Variants in CFAP52 observed in about 807,000 individuals in gnomAD.
CFAP52 encodes cilia- and flagella-associated protein 52.
Under a neutral mutation model 70.5 loss-of-function variants are expected in CFAP52, and 57 were observed. The observed-to-expected ratio is 0.81, with a 90% confidence interval of 0.65 to 1.01. The LOEUF (loss-of-function observed/expected upper bound fraction) is 1.01. Ranked by LOEUF, CFAP52 falls within the 50% of genes least tolerant of loss-of-function variation. The pLI, the probability that CFAP52 is intolerant of heterozygous loss-of-function variation, is 0.00. For synonymous variants in CFAP52, 267 were observed against 292.5 expected (o/e 0.91, Z 0.89); for missense variants, 785 against 788.5 (o/e 1.00, Z 0.05).
chr17:9,602,313 C>T (rs1909305275), intron 6 of CFAP52, among the ~76,000 whole-genome samples: 1 of 152,050 alleles, frequency 6.6e-6, no homozygotes, highest in Non-Finnish European at 1.5e-5. Context: ...TGTGATGTTC[C>T]CCTCCCTGTG....
At chr17:9,611,426 C>T (rs192605413) in intron 7 of CFAP52, among the ~76,000 whole-genome samples, 5 of 152,192 alleles carry the variant, frequency 3.3e-5, no homozygotes, top group Admixed American at 3.3e-4. Flanking sequence ...GAGATTGTGA[C>T]TCACTGCAGC....
intron 1 of CFAP52, among the ~76,000 whole-genome samples, chr17:9,582,556 C>T (rs1037816901): frequency 2.0e-4 from 30 of 152,114 alleles, no homozygotes; most frequent in African/African-American, 7.2e-4. Context: ...GGAGATGATC[C>T]TTTGTCTATT....
intron 8 of CFAP52, among the ~76,000 whole-genome samples, chr17:9,625,397 C>T (rs1910199478): frequency 6.6e-6 from 1 of 151,754 alleles, no homozygotes. Context: ...ATTTTCTAGC[C>T]CTCAACTCTG....
intron 12 of CFAP52, among the ~76,000 whole-genome samples, chr17:9,641,255 A>G (rs1286720861): frequency 6.6e-6 from 1 of 152,146 alleles, no homozygotes; most frequent in African/African-American, 2.4e-5. Context: ...GTTGGGAATA[A>G]GGGTGGTGTG....
At chr17:9,635,232 T>G (rs917226705) in intron 10 of CFAP52, among the ~76,000 whole-genome samples, 173 bp from the exon 11 acceptor site, 1 of 152,112 alleles carries the variant, frequency 6.6e-6, no homozygotes, top group African/African-American at 2.4e-5. Flanking sequence ...ATCTTATACA[T>G]GAATATGCCT....
chr17:9,609,844 C>A (rs993524010), intron 7 of CFAP52, among the ~76,000 whole-genome samples: 2 of 152,006 alleles, frequency 1.3e-5, no homozygotes, highest in East Asian at 1.9e-4. Context: ...GTCTTTAGAA[C>A]AATATTGGAA....
At position 9,584,277 on chromosome 17, in the gene CFAP52, A is replaced by G. The variant is rs1012313423; in HGVS notation, c.71-1496A>G. 12 of 1,284,526 alleles carry G rather than the reference A, an allele frequency of 9.3e-6. No homozygotes were observed. The African/African-American group carries it at 1.7e-4, about 18-fold the overall frequency. 79.6% of individuals were successfully genotyped at this position (1,284,526 alleles called of 1,614,324 possible). On this transcript the variant is annotated intron_variant, in intron 1 of 13. Coordinates refer to ENST00000352665, the MANE Select transcript of CFAP52 (RefSeq NM_145054.5). Reference sequence around the variant, plus strand: ...CATACAAACTTTTCTCTAACATGGAAGCAGTAGTGTTACCTTGGCAGATAT... The same window carrying G: ...CATACAAACTTTTCTCTAACATGGAGGCAGTAGTGTTACCTTGGCAGATAT...
At chr17:9,581,132 C>T (rs1423010850) in intron 1 of CFAP52, among the ~76,000 whole-genome samples, 3 of 152,132 alleles carry the variant, frequency 2.0e-5, no homozygotes, top group Non-Finnish European at 2.9e-5. Context: ...CTGGCTAACA[C>T]GGTGAAACCC....
chr17:9,588,664 T>C (rs992089821), intron 3 of CFAP52, among the ~76,000 whole-genome samples: 2 of 152,176 alleles, frequency 1.3e-5, no homozygotes, highest in African/African-American at 4.8e-5. Context: ...GCTTTCAATT[T>C]CACCCCATTC....
At chr17:9,586,560 C>T (rs368345042) in intron 2 of CFAP52, 138 bp from the exon 3 acceptor site, 26 of 1,134,528 alleles carry the variant, frequency 2.3e-5, no homozygotes, top group Non-Finnish European at 2.8e-5. Context: ...AGTGAGACTC[C>T]GTCTCAACAA....
intron 7 of CFAP52, among the ~76,000 whole-genome samples, chr17:9,611,521 A>ATTTAT (rs1183524324): frequency 6.7e-4 from 102 of 151,782 alleles, no homozygotes; most frequent in African/African-American, 2.2e-3. Flanking sequence ...CACCTGGCTA[A>ATTTAT]TTTATTTTAT....
Position 9,635,352 on chromosome 17 carries a change from T to A in CFAP52, c.1321-53T>A. On this transcript the variant is annotated intron_variant, in intron 10 of 13. Coordinates refer to ENST00000352665, the MANE Select transcript of CFAP52 (RefSeq NM_145054.5). ...AAAAAGCTCTTGGAATCTTTTCCTA[T>A]CCCTTCAGAAGTCCCAAGTGTGGAT... 2.5e-6 allele frequency: 4 copies of A among 1,599,400 alleles called. No individual in the cohort carries two copies. In the South Asian group the frequency reaches 3.3e-5, roughly 13 times the overall value.
At chr17:9,592,788 T>A (rs1233639438) in intron 3 of CFAP52, among the ~76,000 whole-genome samples, 1 of 152,220 alleles carries the variant, frequency 6.6e-6, no homozygotes, top group Non-Finnish European at 1.5e-5. Flanking sequence ...TCATTTCCAC[T>A]TCTAAATTAT....
intron 8 of CFAP52, among the ~76,000 whole-genome samples, chr17:9,616,574 A>C (rs1909936467): frequency 6.7e-6 from 1 of 148,156 alleles, no homozygotes; most frequent in Non-Finnish European, 1.5e-5. Context: ...AGACAGCAGT[A>C]ACCTCTGCAG....
At chr17:9,581,079 G>C (rs1908204391) in intron 1 of CFAP52, among the ~76,000 whole-genome samples, 1 of 152,220 alleles carries the variant, frequency 6.6e-6, no homozygotes, top group Non-Finnish European at 1.5e-5. Context: ...CACTTTGGAA[G>C]GCCCAGGCGG....
At chr17:9,639,976 G>T (rs978692428) in intron 12 of CFAP52, among the ~76,000 whole-genome samples, 1 of 152,090 alleles carries the variant, frequency 6.6e-6, no homozygotes, top group African/African-American at 2.4e-5. Context: ...TTCTGGCATG[G>T]TTTTCTATCT....
rs758263833 is a variant in CFAP52, at chr17:9,629,547, CT to C, written c.1174+742del. ...TTCTTTTTTCTTCCTTGCTTGCTTG[CT>C]TTTTTTTTTTTTTTCTCAGATGGAG... On this transcript the variant is annotated intron_variant, in intron 9 of 13. Transcript: ENST00000352665. 6.0e-3 allele frequency among the ~76,000 whole-genome samples: 758 copies of C among 126,746 alleles called. 7 individuals carry two copies. The highest frequency in any genetic ancestry group is 0.014 in the African/African-American group (477 of 34,220). 83.2% of individuals were successfully genotyped at this position (126,746 alleles called of 152,430 possible).
rs146275247 is a variant in CFAP52, at chr17:9,584,866, G to A, written c.71-907G>A. On this transcript the variant is annotated intron_variant, in intron 1 of 13. Transcript: ENST00000352665. Reference sequence around the variant, plus strand: ...TTGAACTCCTGACCTCAGGTGATCCGCCTGCCTCGGCCTCCCAAGTGCTGG... The same window carrying A: ...TTGAACTCCTGACCTCAGGTGATCCACCTGCCTCGGCCTCCCAAGTGCTGG... Among the ~76,000 whole-genome samples, 1,041 of 152,020 alleles carry A rather than the reference G, an allele frequency of 6.8e-3. 15 individuals carry two copies. The highest frequency in any genetic ancestry group is 0.024 in the African/African-American group (994 of 41,482).
chr17:9,606,748 A>T (rs1161818566), intron 6 of CFAP52, among the ~76,000 whole-genome samples: 1 of 152,184 alleles, frequency 6.6e-6, no homozygotes, highest in African/African-American at 2.4e-5. Context: ...AAGTCCCCAG[A>T]TAAATGCTAA....
Sources: allele counts gnomAD v4.1 joint callset (sites outside exome capture counted in the v4.1 genomes callset), GRCh38; gene constraint gnomAD v4.1.1; transcripts MANE v1.5; gene names NCBI Gene and HGNC (gene_info 2026-07-23, HGNC 2026-07-21).